SLC24A2: variants seen among roughly 807,000 people sequenced by gnomAD.
The protein encoded by SLC24A2 is solute carrier family 24 member 2.
Under a neutral mutation model 62.0 loss-of-function variants are expected in SLC24A2, and 36 were observed. The ratio of observed to expected loss-of-function variants is 0.58; its 90% CI spans 0.44 to 0.77. The LOEUF (loss-of-function observed/expected upper bound fraction) is 0.77, where lower values mean the gene tolerates loss of function less well. Among genes scored for constraint, SLC24A2 ranks in the 30% least tolerant of loss-of-function variants. SLC24A2 has a pLI of 0.00. For missense variants in SLC24A2, 846 were observed against 817.9 expected (o/e 1.03, Z -0.42); for synonymous variants, 358 against 294.0 (o/e 1.22, Z -2.23).
At chr9:20,298,583 G>C in the SLC24A2 span, among the ~76,000 whole-genome samples, 187 of 152,346 alleles carry the variant, frequency 1.2e-3, 2 homozygotes, top group African/African-American at 4.3e-3. Context: ...TTTAAAACTA[G>C]ATACGTTCTT....
At chr9:19,577,492 T>C (rs532082697) in intron 5 of SLC24A2, among the ~76,000 whole-genome samples, 1 of 152,282 alleles carries the variant, frequency 6.6e-6, no homozygotes, top group Non-Finnish European at 1.5e-5. Flanking sequence ...AAATCTGAAA[T>C]CTGAAACACT....
At chr9:19,785,435 T>C (rs1005392023) in intron 2 of SLC24A2, among the ~76,000 whole-genome samples, 3 of 152,188 alleles carry the variant, frequency 2.0e-5, no homozygotes, top group Non-Finnish European at 4.4e-5. Flanking sequence ...ACAACAATAA[T>C]GACAAGCCCT....
chr9:19,895,407 G>T, the SLC24A2 span, among the ~76,000 whole-genome samples: 1 of 152,094 alleles, frequency 6.6e-6, no homozygotes, highest in Non-Finnish European at 1.5e-5. Flanking sequence ...GGCACTGGGG[G>T]ATATTGTCCA....
At chr9:19,817,769 G>A in the SLC24A2 span, among the ~76,000 whole-genome samples, 3 of 151,994 alleles carry the variant, frequency 2.0e-5, no homozygotes, top group Non-Finnish European at 1.5e-5. Context: ...TTGCTCTGTT[G>A]CTCAGGCTGG....
intron 2 of SLC24A2, among the ~76,000 whole-genome samples, chr9:19,784,660 C>T (rs999707098): frequency 6.6e-6 from 1 of 152,126 alleles, no homozygotes; most frequent in African/African-American, 2.4e-5. Context: ...AATGATGGTC[C>T]TATTTTATGC....
the SLC24A2 span, among the ~76,000 whole-genome samples, chr9:20,026,372 C>T: frequency 6.6e-6 from 1 of 152,200 alleles, no homozygotes; most frequent in Non-Finnish European, 1.5e-5. Flanking sequence ...TAAAATGCTT[C>T]CCACAGTGCC....
chr9:19,790,720 A>G (rs1823308634), upstream of SLC24A2, among the ~76,000 whole-genome samples: 1 of 152,192 alleles, frequency 6.6e-6, no homozygotes, highest in Admixed American at 6.5e-5. Context: ...TGCCTTTTCT[A>G]TACAAATTGG....
the SLC24A2 span, among the ~76,000 whole-genome samples, chr9:20,149,298 C>A: frequency 6.6e-6 from 1 of 152,038 alleles, no homozygotes. Context: ...GGCTCAGGCA[C>A]AACCACTGTA....
the SLC24A2 span, among the ~76,000 whole-genome samples, chr9:19,976,095 G>T: frequency 6.6e-6 from 1 of 152,108 alleles, no homozygotes; most frequent in Non-Finnish European, 1.5e-5. Flanking sequence ...TGTTGCCCAG[G>T]CTGGTCTTGA....
the SLC24A2 span, among the ~76,000 whole-genome samples, chr9:19,832,227 C>A: frequency 1.3e-5 from 2 of 152,216 alleles, no homozygotes; most frequent in African/African-American, 4.8e-5. Context: ...ACCCAAACAC[C>A]AGTACCATTT....
At chr9:19,671,837 G>C (rs1819427256) in intron 2 of SLC24A2, among the ~76,000 whole-genome samples, 1 of 147,722 alleles carries the variant, frequency 6.8e-6, no homozygotes, top group Non-Finnish European at 1.5e-5. Flanking sequence ...TTTTAACTCT[G>C]TTATGTGGTG....
the SLC24A2 span, among the ~76,000 whole-genome samples, chr9:20,246,756 G>A: frequency 6.6e-6 from 1 of 152,202 alleles, no homozygotes; most frequent in African/African-American, 2.4e-5. Flanking sequence ...AACTGCAGTT[G>A]TACTGTCTGC....
chr9:19,941,590 T>TGTGTGTGTGTGTGTGTGA, the SLC24A2 span, among the ~76,000 whole-genome samples: 2 of 127,980 alleles, frequency 1.6e-5, no homozygotes, highest in Non-Finnish European at 3.3e-5. Context: ...TGTGTGTGTG[T>TGTGTGTGTGTGTGTGTGA]GAGAGAGAGA....
chr9:19,558,189 T>C (rs10964203), intron 7 of SLC24A2, among the ~76,000 whole-genome samples: 16,881 of 152,110 alleles, frequency 0.11, 992 homozygotes, highest in African/African-American at 0.15. Flanking sequence ...CACGGCAGCA[T>C]TGAAAGTGAA....
chr9:19,883,300 G>C, the SLC24A2 span, among the ~76,000 whole-genome samples: 1 of 152,136 alleles, frequency 6.6e-6, no homozygotes. Flanking sequence ...TATCATAATT[G>C]TTATGTCTAG....
intron 2 of SLC24A2, among the ~76,000 whole-genome samples, chr9:19,636,323 C>CTTTTCTTTTCTTTTCTTTTCTTTTCT (rs1554690385): frequency 5.2e-5 from 1 of 19,168 alleles, no homozygotes; most frequent in East Asian, 1.7e-3. Context: ...TCTTTTCTTT[C>CTTTTCTTTTCTTTTCTTTTCTTTTCT]TTTCTTTCTT....
intron 4 of SLC24A2, among the ~76,000 whole-genome samples, chr9:19,613,031 C>T (rs188440893): frequency 6.6e-6 from 1 of 152,240 alleles, no homozygotes; most frequent in East Asian, 1.9e-4. Flanking sequence ...GGTATTTATC[C>T]ATGAAGTGGG....
At chr9:20,285,868 C>A in the SLC24A2 span, among the ~76,000 whole-genome samples, 4 of 152,154 alleles carry the variant, frequency 2.6e-5, no homozygotes, top group Admixed American at 2.0e-4. Flanking sequence ...TTTGAGGACA[C>A]AGCAAGCAAG....
chr9:19,595,375 C>A (rs1836678097), intron 5 of SLC24A2, among the ~76,000 whole-genome samples: 1 of 152,154 alleles, frequency 6.6e-6, no homozygotes, highest in Non-Finnish European at 1.5e-5. Flanking sequence ...TATTACCCAT[C>A]ACTGTAATGG....
Sources: allele counts gnomAD v4.1 joint callset (sites outside exome capture counted in the v4.1 genomes callset), GRCh38; gene constraint gnomAD v4.1.1; transcripts MANE v1.5; gene names NCBI Gene and HGNC (gene_info 2026-07-23, HGNC 2026-07-21).